Variants in SLC35F4 observed in about 807,000 individuals in gnomAD.
SLC35F4 encodes the protein chromosome 14 open reading frame 36.
In SLC35F4, 24 loss-of-function variants were observed where a neutral mutation model predicts 44.2. The ratio of observed to expected loss-of-function variants is 0.54; its 90% CI spans 0.39 to 0.76. SLC35F4 has a LOEUF of 0.76. Ranked by LOEUF, SLC35F4 falls within the 30% of genes least tolerant of loss-of-function variation. SLC35F4 has a pLI of 0.00. For synonymous variants in SLC35F4, 238 were observed against 223.6 expected (o/e 1.06, Z -0.57); for missense variants, 562 against 586.1 (o/e 0.96, Z 0.42).
chr14:57,662,308 C>T (rs184960061), intron 1 of SLC35F4, among the ~76,000 whole-genome samples: 8 of 152,216 alleles, frequency 5.3e-5, no homozygotes, highest in Admixed American at 3.3e-4. Context: ...TTAGAGCATG[C>T]CGTGATTTGA....
At chr14:57,982,430 G>C (rs999023433), upstream of SLC35F4, among the ~76,000 whole-genome samples, 2 of 152,200 alleles carry the variant, frequency 1.3e-5, no homozygotes, top group Admixed American at 1.3e-4. Flanking sequence ...GTCCACAGCT[G>C]TTCTGCTTCA....
intron 1 of SLC35F4, among the ~76,000 whole-genome samples, chr14:57,766,173 T>A (rs2077230035): frequency 6.6e-6 from 1 of 152,226 alleles, no homozygotes; most frequent in Admixed American, 6.5e-5. Context: ...TCACTACTCA[T>A]CAAGAGCTGT....
intron 1 of SLC35F4, among the ~76,000 whole-genome samples, chr14:57,796,496 G>A (rs1302939480): frequency 6.6e-6 from 1 of 151,992 alleles, no homozygotes; most frequent in Non-Finnish European, 1.5e-5. Context: ...TCAGGTAACA[G>A]GAAGATAACA....
chr14:57,577,971 C>CCAT (rs2139770660), intron 4 of SLC35F4, among the ~76,000 whole-genome samples: 1 of 152,252 alleles, frequency 6.6e-6, no homozygotes, highest in South Asian at 2.1e-4. Flanking sequence ...GATTACCTTT[C>CCAT]CATCTGTAAT....
intron 1 of SLC35F4, among the ~76,000 whole-genome samples, chr14:57,759,619 G>A (rs1466496627): frequency 6.6e-6 from 1 of 152,116 alleles, no homozygotes; most frequent in African/African-American, 2.4e-5. Flanking sequence ...CTTTTACATA[G>A]TGGTTACATA....
At chr14:57,809,148 G>T (rs1364011659) in intron 1 of SLC35F4, among the ~76,000 whole-genome samples, 1 of 152,108 alleles carries the variant, frequency 6.6e-6, no homozygotes, top group Non-Finnish European at 1.5e-5. Flanking sequence ...TACAGTTCTT[G>T]GCTCTACCAC....
At chr14:57,667,386 G>A (rs915148444) in intron 1 of SLC35F4, among the ~76,000 whole-genome samples, 27 of 97,086 alleles carry the variant, frequency 2.8e-4, no homozygotes, top group Admixed American at 1.8e-3. Flanking sequence ...TGTGCACAAC[G>A]TGCAGGTTAC....
chr14:57,843,424 G>A (rs1314643433), intron 1 of SLC35F4, among the ~76,000 whole-genome samples: 1 of 152,084 alleles, frequency 6.6e-6, no homozygotes, highest in Non-Finnish European at 1.5e-5. Flanking sequence ...TGTTTGGGCT[G>A]GTGGAGGAAA....
At chr14:57,755,278 A>C (rs528419714) in intron 1 of SLC35F4, among the ~76,000 whole-genome samples, 39 of 152,300 alleles carry the variant, frequency 2.6e-4, no homozygotes, top group African/African-American at 9.4e-4. Flanking sequence ...TCAGCCACGG[A>C]AATCTAAATG....
intron 1 of SLC35F4, among the ~76,000 whole-genome samples, chr14:57,600,272 A>T (rs192383725): frequency 6.6e-5 from 10 of 152,234 alleles, no homozygotes; most frequent in Admixed American, 2.6e-4. Flanking sequence ...GACCTTTTCC[A>T]TGACTAAGAT....
intron 1 of SLC35F4, among the ~76,000 whole-genome samples, chr14:57,772,644 T>C (rs1260856277): frequency 6.6e-6 from 1 of 152,188 alleles, no homozygotes; most frequent in Non-Finnish European, 1.5e-5. Flanking sequence ...TTTGAGTTAG[T>C]TCACTTAGAA....
rs545666235 is a variant in SLC35F4 at position 57,806,804 on chromosome 14, C to T, written c.103+58919G>A. 5.3e-5 allele frequency among the ~76,000 whole-genome samples: 8 copies of T among 152,294 alleles called. No individual in the cohort carries two copies. The South Asian group carries it at 1.7e-3, about 32-fold the overall frequency. ...TGGTTTTTTAAAATCAAAATTCCTA[C>T]ATTGCAAATGTAATTTTGAATATAT... On this transcript the variant is annotated intron_variant, in intron 1 of 7. Transcript: ENST00000556826.
At chr14:57,716,450 C>T (rs1202150186) in intron 1 of SLC35F4, among the ~76,000 whole-genome samples, 1 of 152,044 alleles carries the variant, frequency 6.6e-6, no homozygotes, top group East Asian at 1.9e-4. Flanking sequence ...CTTAGCGTTC[C>T]AATAATAGAA....
chr14:57,781,339 GA>G (rs1837526198), intron 1 of SLC35F4, among the ~76,000 whole-genome samples: 1 of 152,092 alleles, frequency 6.6e-6, no homozygotes, highest in Non-Finnish European at 1.5e-5. Flanking sequence ...GATCATTAGA[GA>G]AATGCAAATC....
intron 1 of SLC35F4, among the ~76,000 whole-genome samples, chr14:57,663,272 T>C (rs2074196878): frequency 6.6e-6 from 1 of 152,192 alleles, no homozygotes; most frequent in Non-Finnish European, 1.5e-5. Flanking sequence ...CAAAAACATA[T>C]AGTAGAACAG....
intron 1 of SLC35F4, among the ~76,000 whole-genome samples, chr14:57,685,784 T>C (rs2075048545): frequency 6.6e-6 from 1 of 152,182 alleles, no homozygotes; most frequent in Admixed American, 6.5e-5. Context: ...GTCTTTTGTA[T>C]TTATTTGTTT....
chr14:57,866,539 G>T (rs895803754), upstream of SLC35F4, among the ~76,000 whole-genome samples: 6 of 152,272 alleles, frequency 3.9e-5, no homozygotes, highest in African/African-American at 1.4e-4. Flanking sequence ...TATATGGAGT[G>T]ATTATCCAGG....
chr14:57,828,776 G>A (rs1884053977), intron 1 of SLC35F4, among the ~76,000 whole-genome samples: 1 of 152,116 alleles, frequency 6.6e-6, no homozygotes, highest in African/African-American at 2.4e-5. Flanking sequence ...GGCAACCCGA[G>A]GTCTGCCATG....
chr14:57,752,377 T>C (rs186463501), intron 1 of SLC35F4, among the ~76,000 whole-genome samples: 48 of 152,252 alleles, frequency 3.2e-4, no homozygotes, highest in African/African-American at 1.1e-3. Flanking sequence ...CTCCAGCTGA[T>C]TGGAAGAAAG....
Sources: gnomAD v4.1 joint callset for allele counts (sites outside exome capture counted in the v4.1 genomes callset) on GRCh38, gnomAD v4.1.1 for gene constraint, MANE v1.5 for transcripts, NCBI Gene and HGNC (gene_info 2026-07-23, HGNC 2026-07-21) for gene names.